Variants in DPP6 observed in about 807,000 individuals in gnomAD.
DPP6 encodes the protein A-type potassium channel modulatory protein DPP6.
In DPP6, 69 loss-of-function variants were observed where a neutral mutation model predicts 122.6. The observed-to-expected ratio is 0.56, with a 90% CI of 0.46 to 0.69. The LOEUF is 0.69. Among genes scored for constraint, DPP6 ranks in the 30% least tolerant of loss-of-function variants. DPP6 has a pLI of 0.00. For missense variants in DPP6, 928 were observed against 1,116.9 expected, an observed-to-expected ratio of 0.83 and a Z score of 2.41; for synonymous variants, 418 against 433.1, an observed-to-expected ratio of 0.97 and a Z score of 0.43.
intron 3 of DPP6, among the ~76,000 whole-genome samples, chr7:154,505,729 G>A (rs193139269): frequency 6.6e-6 from 1 of 152,270 alleles, no homozygotes; most frequent in East Asian, 1.9e-4. Context: ...CATATCTAAG[G>A]AACAGGCTAT....
chr7:154,173,723 A>G (rs1337713503), intron 1 of DPP6, among the ~76,000 whole-genome samples: 2 of 152,102 alleles, frequency 1.3e-5, no homozygotes, highest in Non-Finnish European at 2.9e-5. Flanking sequence ...CAGACACGGG[A>G]TTCCTATTAT....
At chr7:154,711,437 CTAAT>C (rs1285443512) in intron 7 of DPP6, among the ~76,000 whole-genome samples, 3 of 152,124 alleles carry the variant, frequency 2.0e-5, no homozygotes, top group African/African-American at 4.8e-5. Context: ...GGTAATATAA[CTAAT>C]TAATTTGCTG....
At chr7:154,098,817 CT>C (rs1805526013) in intron 1 of DPP6, among the ~76,000 whole-genome samples, 1 of 152,126 alleles carries the variant, frequency 6.6e-6, no homozygotes, top group African/African-American at 2.4e-5. Context: ...AACCTTTCCT[CT>C]GCAAAGAAAT....
chr7:153,965,095 T>C (rs1401314509), intron 1 of DPP6, among the ~76,000 whole-genome samples: 1 of 151,434 alleles, frequency 6.6e-6, no homozygotes, highest in Non-Finnish European at 1.5e-5. Flanking sequence ...ATTTCTGCTC[T>C]ATTAGTTTCC....
chr7:154,769,555 C>A lies in DPP6; in HGVS notation c.1022C>A (p.Pro341His). The part of the protein sequence containing the change: ...YTGSIYPTVK[P>H]YHYPKAGSEN... Reference sequence around the variant, plus strand: ...GGCTCCATCTACCCCACCGTGAAGCCCTACCACTATCCCAAGGTAGGCAAA... The same window carrying A: ...GGCTCCATCTACCCCACCGTGAAGCACTACCACTATCCCAAGGTAGGCAAA... The change falls in exon 9 of 26, where the codon CCC becomes CAC. Residue 341 changes from proline to histidine, a missense_variant. By Grantham distance (77) the Pro-to-His change is moderately conservative. Transcript: ENST00000377770. 2 of 1,605,494 alleles carry A rather than the reference C, an allele frequency of 1.2e-6. No homozygotes were observed. The highest frequency in any genetic ancestry group is 1.7e-6 in the Non-Finnish European group (2 of 1,174,464).
intron 1 of DPP6, among the ~76,000 whole-genome samples, chr7:154,347,504 T>G (rs1346712719): frequency 6.6e-6 from 1 of 152,244 alleles, no homozygotes; most frequent in African/African-American, 2.4e-5. Context: ...CTATAATTTA[T>G]CTTTGCTGAC....
rs141392259 is a variant in DPP6, at chr7:154,194,885, C to T, written c.243+141822C>T. 1.7e-3 allele frequency among the ~76,000 whole-genome samples: 262 copies of T among 152,300 alleles called. 1 individual carries two copies. The highest frequency in any genetic ancestry group is 1.2e-3 in the Non-Finnish European group (82 of 68,020). The stretch of plus-strand genomic sequence containing the variant: ...AGTTTCAAGAAATATATTCTGGATA[C>T]AATTCCTTTGACAAATATATCGTTG... On this transcript the variant is annotated intron_variant, in intron 1 of 25. Transcript: ENST00000377770.
rs1373465369 is a variant in DPP6, at chr7:154,769,536, A to G, written c.1003A>G (p.Ile335Val). ...GGAGCTCCCAACTTACACCGGCTCC[A>G]TCTACCCCACCGTGAAGCCCTACCA... is the stretch of plus-strand genomic sequence containing the variant. ...IMELPTYTGSIYPTVKPYHYP... is the reference protein window; with the variant it reads ...IMELPTYTGSVYPTVKPYHYP... The change falls in exon 9 of 26, where the codon ATC (isoleucine) becomes GTC (valine). Residue 335 changes from isoleucine to valine, a missense_variant. Physicochemically the swap from Ile to Val is conservative, Grantham distance 29. Transcript: ENST00000377770. 4 of 1,612,876 alleles carry G rather than the reference A, an allele frequency of 2.5e-6. No homozygotes were observed. The highest frequency in any genetic ancestry group is 4.5e-5 in the East Asian group (2 of 44,854).
chr7:154,460,611 AT>A (rs1022052486), intron 2 of DPP6, among the ~76,000 whole-genome samples: 7 of 152,234 alleles, frequency 4.6e-5, no homozygotes, highest in East Asian at 1.9e-4. Context: ...TATTTGCAAT[AT>A]TTTTTTCACT....
At chr7:154,513,558 A>G (rs1375391686) in intron 3 of DPP6, among the ~76,000 whole-genome samples, 1 of 152,164 alleles carries the variant, frequency 6.6e-6, no homozygotes, top group Non-Finnish European at 1.5e-5. Flanking sequence ...GACCCAAAGC[A>G]GGAACTCTAG....
intron 1 of DPP6, among the ~76,000 whole-genome samples, chr7:154,407,774 C>T (rs576032075): frequency 6.6e-6 from 1 of 152,238 alleles, no homozygotes; most frequent in Non-Finnish European, 1.5e-5. Context: ...TGCCATGGTT[C>T]TCAGCACTTC....
At chr7:154,061,696 CA>C (rs1312434300) in intron 1 of DPP6, among the ~76,000 whole-genome samples, 2 of 85,496 alleles carry the variant, frequency 2.3e-5, no homozygotes, top group Non-Finnish European at 5.3e-5. Flanking sequence ...ACCACCATCG[CA>C]GGGGGGGAGG....
intron 1 of DPP6, among the ~76,000 whole-genome samples, chr7:154,005,142 T>C (rs531776112): frequency 3.6e-4 from 55 of 151,976 alleles, no homozygotes; most frequent in Middle Eastern, 3.4e-3. Flanking sequence ...TGTCAAACAA[T>C]TGAAAGAAGC....
chr7:154,834,086 A>G (rs1208817545), intron 16 of DPP6, among the ~76,000 whole-genome samples: 2 of 152,140 alleles, frequency 1.3e-5, no homozygotes, highest in Non-Finnish European at 2.9e-5. Flanking sequence ...GGGTGGGCGG[A>G]CACTCAGCCT....
At chr7:154,753,795 C>T (rs1374986981) in intron 8 of DPP6, among the ~76,000 whole-genome samples, 2 of 152,138 alleles carry the variant, frequency 1.3e-5, no homozygotes, top group East Asian at 1.9e-4. Context: ...TCCCTCCATC[C>T]GCATCCAAGA....
intron 16 of DPP6, among the ~76,000 whole-genome samples, chr7:154,831,107 C>T (rs1308346421): frequency 6.6e-6 from 1 of 152,196 alleles, no homozygotes; most frequent in East Asian, 1.9e-4. Flanking sequence ...CCAACGTCAG[C>T]CCTGCCTTAG....
chr7:154,510,691 T>A (rs71534132), intron 3 of DPP6, among the ~76,000 whole-genome samples: 24,268 of 131,012 alleles, frequency 0.19, 2,111 homozygotes, highest in Admixed American at 0.26. Context: ...AGCCCAGGTG[T>A]CTCAAAAAAA....
intron 5 of DPP6, among the ~76,000 whole-genome samples, chr7:154,612,485 G>T (rs1833972379): frequency 8.0e-6 from 1 of 125,536 alleles, no homozygotes; most frequent in South Asian, 3.1e-4. Context: ...TGTATCCATA[G>T]CGGGTTCCTT....
intron 1 of DPP6, among the ~76,000 whole-genome samples, chr7:154,112,082 A>C (rs749100961): frequency 3.3e-5 from 5 of 152,160 alleles, no homozygotes; most frequent in Non-Finnish European, 4.4e-5. Context: ...AAGGGTAGGA[A>C]GCTGAGAAAG....
Sources: gnomAD v4.1 joint callset for allele counts (sites outside exome capture counted in the v4.1 genomes callset) on GRCh38, gnomAD v4.1.1 for gene constraint, MANE v1.5 for transcripts, NCBI Gene and HGNC (gene_info 2026-07-23, HGNC 2026-07-21) for gene names.